RYR3: variants seen among roughly 807,000 people sequenced by gnomAD.
RYR3 encodes ryanodine receptor 3.
A neutral mutation model predicts 584.3 loss-of-function variants in RYR3; 207 were observed. That is an observed-to-expected ratio of 0.35 (90% CI 0.32 to 0.40). The LOEUF (loss-of-function observed/expected upper bound fraction) is 0.40. Among genes scored for constraint, RYR3 ranks in the 10% least tolerant of loss-of-function variants. The pLI is 1.00. For synonymous variants in RYR3, 2,416 were observed against 2,248.5 expected (o/e 1.07, Z -2.11); for missense variants, 5,616 against 6,089.2 (o/e 0.92, Z 2.59).
At chr15:33,690,219 G>A (rs760420936) in intron 38 of RYR3, among the ~76,000 whole-genome samples, 5 of 152,184 alleles carry the variant, frequency 3.3e-5, no homozygotes, top group African/African-American at 4.8e-5. Flanking sequence ...TGTGCAGAGC[G>A]GGCTGAAGAA....
At position 33,823,215 on chromosome 15, in the gene RYR3, G is replaced by A. The variant is rs1461775447; in HGVS notation, c.11072+143G>A. On this transcript the variant is annotated intron_variant, in intron 81 of 103. Coordinates refer to ENST00000634891, the MANE Select transcript of RYR3 (RefSeq NM_001036.6). ...CCTACTTAGAAAGCTAAGAGAGTAG[G>A]TGTTGTTCCTCCAGCCTTCAGGATG... 10 of 618,860 alleles carry A rather than the reference G, an allele frequency of 1.6e-5. No homozygotes were observed. The East Asian group carries it at 2.3e-4, about 14-fold the overall frequency. 38.3% of individuals were successfully genotyped at this position (618,860 alleles called of 1,614,324 possible).
At chr15:33,492,118 A>G (rs2051013201) in intron 2 of RYR3, among the ~76,000 whole-genome samples, 1 of 152,224 alleles carries the variant, frequency 6.6e-6, no homozygotes, top group Admixed American at 6.5e-5. Flanking sequence ...TCTGACTGGC[A>G]GTGCTAAATC....
In RYR3 at chr15:33,853,036, G is replaced by GT. The variant is rs765547772; in HGVS notation, c.13629-4dup. 1 of 1,602,058 alleles carries GT rather than the reference G, an allele frequency of 6.2e-7. No individual in the cohort carries two copies. The highest frequency in any genetic ancestry group is 1.1e-5 in the South Asian group (1 of 88,454). ...ATGAAGAACCAACCTTTTTCGTTTT[G>GT]TTTTTCAGATCTTTTCCTAATAACT... On this transcript the variant is annotated splice_polypyrimidine_tract_variant and intron_variant, in intron 94 of 103. Coordinates refer to ENST00000634891, the MANE Select transcript of RYR3 (RefSeq NM_001036.6).
chr15:33,557,961 G>A (rs2057174171), intron 10 of RYR3, among the ~76,000 whole-genome samples: 1 of 152,054 alleles, frequency 6.6e-6, no homozygotes, highest in Admixed American at 6.5e-5. Context: ...ACATAAACAA[G>A]GTTGATGCAG....
chr15:33,637,649 A>G (rs75451697), intron 27 of RYR3, among the ~76,000 whole-genome samples: 4,132 of 152,376 alleles, frequency 0.027, 169 homozygotes, highest in African/African-American at 0.092. Context: ...ATACAACTGC[A>G]TAGGCAAGAG....
In RYR3 at chr15:33,478,355, C is replaced by A. The variant is rs1037121464; in HGVS notation, c.171+4817C>A. ...CCACGTCAGGCAGGTGTGAGAGTCACCATGGCTTAAAAGCCTCACGTACCA... is the reference window on the plus strand; with the variant it reads ...CCACGTCAGGCAGGTGTGAGAGTCAACATGGCTTAAAAGCCTCACGTACCA... On this transcript the variant is annotated intron_variant, in intron 2 of 103. Coordinates refer to ENST00000634891, the MANE Select transcript of RYR3 (RefSeq NM_001036.6). Among the ~76,000 whole-genome samples, 6 of 152,270 alleles carry A rather than the reference C, an allele frequency of 3.9e-5. No homozygotes were observed. In the East Asian group the frequency reaches 1.2e-3, roughly 29 times the overall value.
intron 43 of RYR3, among the ~76,000 whole-genome samples, chr15:33,711,843 A>G (rs1377172795): frequency 6.6e-6 from 1 of 152,108 alleles, no homozygotes; most frequent in East Asian, 1.9e-4. Context: ...AACACTTTCA[A>G]TCTCTGCCAC....
intron 30 of RYR3, among the ~76,000 whole-genome samples, chr15:33,648,676 G>T (rs1409532892): frequency 6.6e-6 from 1 of 152,208 alleles, no homozygotes. Flanking sequence ...TGAGGGCAGG[G>T]ACTGTGCCCG....
intron 100 of RYR3, among the ~76,000 whole-genome samples, chr15:33,860,391 A>G (rs1296702391): frequency 6.6e-6 from 1 of 152,232 alleles, no homozygotes; most frequent in Non-Finnish European, 1.5e-5. Context: ...ACAGCACTGC[A>G]TGGTGTAGAA....
At chr15:33,489,891 G>T (rs1361741682) in intron 2 of RYR3, among the ~76,000 whole-genome samples, 2 of 151,480 alleles carry the variant, frequency 1.3e-5, no homozygotes, top group African/African-American at 2.4e-5. Flanking sequence ...AATAATGGCC[G>T]TTCTGACTGA....
Position 33,757,599 on chromosome 15 carries a change from G to A in RYR3, c.8705+3G>A, listed in dbSNP as rs767829609. On this transcript the variant is annotated splice_donor_region_variant and intron_variant, in intron 60 of 103. Coordinates refer to ENST00000634891, the MANE Select transcript of RYR3 (RefSeq NM_001036.6). ...AAGGAGAAAGAAATGGTGGCCGGGT[G>A]AGTCTACAAGATAAAGGGAAGGTGA... The A allele has an allele frequency of 1.2e-6, 2 of 1,608,748 alleles. No homozygotes were observed. The highest frequency in any genetic ancestry group is 1.3e-5 in the African/African-American group (1 of 74,806).
chr15:33,797,189 A>G (rs2075678188), intron 67 of RYR3, among the ~76,000 whole-genome samples: 1 of 152,182 alleles, frequency 6.6e-6, no homozygotes, highest in African/African-American at 2.4e-5. Context: ...TCCATATGGC[A>G]GAATCTCTCA....
chr15:33,731,861 C>T (rs2068982922), intron 48 of RYR3, among the ~76,000 whole-genome samples, 167 bp downstream of exon 48: 1 of 152,216 alleles, frequency 6.6e-6, no homozygotes, highest in Admixed American at 6.5e-5. Context: ...CCCCTATTTG[C>T]CACAGGCTCT....
At chr15:33,549,269 A>T (rs1474497745) in intron 9 of RYR3, among the ~76,000 whole-genome samples, 1 of 152,214 alleles carries the variant, frequency 6.6e-6, no homozygotes, top group African/African-American at 2.4e-5. Context: ...ATAAGTATGT[A>T]TGCGTACTTC....
intron 98 of RYR3, 72 bp downstream of exon 98, chr15:33,854,984 A>G: frequency 7.5e-7 from 1 of 1,340,272 alleles, no homozygotes; most frequent in Non-Finnish European, 1.0e-6. Context: ...CAGGTAGTAT[A>G]CAGTATATGA....
intron 2 of RYR3, among the ~76,000 whole-genome samples, chr15:33,499,196 TCCTCTCCCTG>T (rs1205788150): frequency 1.4e-5 from 2 of 146,596 alleles, no homozygotes; most frequent in African/African-American, 5.0e-5. Context: ...TCCCTCCCCT[TCCTCTCCCTG>T]CCTCTCCTCC....
chr15:33,382,671 ATCTGTGTACAT>A (rs2041289025), intron 1 of RYR3, among the ~76,000 whole-genome samples: 1 of 152,182 alleles, frequency 6.6e-6, no homozygotes, highest in Non-Finnish European at 1.5e-5. Flanking sequence ...AATGAAGTAG[ATCTGTGTACAT>A]TCATATGACG....
In RYR3 at chr15:33,539,409, G is replaced by C. The variant is rs1334947836; in HGVS notation, c.493G>C (p.Val165Leu). The C allele has an allele frequency of 3.7e-6, 6 of 1,603,666 alleles. No homozygotes were observed. Among genetic ancestry groups the C allele is most frequent in the Non-Finnish European group, 4.3e-6 (5 of 1,174,760 alleles). ...ASKQRSEGEK[V>L]RIGDDLILVS... is the part of the protein sequence containing the mutation. ...CAAACAGAGGTCCGAAGGAGAGAAA[G>C]TTCGAATTGGCGATGACCTCATCCT... Residue 165 changes from valine to leucine, a missense_variant, in exon 6 of 104, where the codon GTT becomes CTT. By Grantham distance (32) the Val-to-Leu change is conservative (BLOSUM62 1). Transcript: ENST00000634891.
chr15:33,825,736 T>C, intron 82 of RYR3, 60 bp downstream of exon 82: 1 of 787,556 alleles, frequency 1.3e-6, no homozygotes, highest in Non-Finnish European at 1.9e-6. Context: ...TTTTTTTTTT[T>C]TTTTTTTTTT....
Sources: gnomAD v4.1 joint callset for allele counts (sites outside exome capture counted in the v4.1 genomes callset) on GRCh38, gnomAD v4.1.1 for gene constraint, MANE v1.5 for transcripts, NCBI Gene and HGNC (gene_info 2026-07-23, HGNC 2026-07-21) for gene names.